SPON1: variants seen among roughly 807,000 people sequenced by gnomAD.
The protein encoded by SPON1 is spondin-1.
A neutral mutation model predicts 111.7 loss-of-function variants in SPON1; 52 were observed. That is an observed-to-expected ratio of 0.47 (90% CI 0.37 to 0.59). The LOEUF is 0.59. Ranked by LOEUF, SPON1 falls within the 20% of genes least tolerant of loss-of-function variation. The probability of loss-of-function intolerance (pLI) is 0.00; values close to 1 mark genes in which losing one functional copy is unlikely to be tolerated. For synonymous variants in SPON1, 410 were observed against 395.8 expected, an observed-to-expected ratio of 1.04 and a Z score of -0.43; for missense variants, 957 against 1,068.5, an observed-to-expected ratio of 0.90 and a Z score of 1.46.
chr11:14,191,953 G>A (rs1342652750), intron 6 of SPON1, among the ~76,000 whole-genome samples: 2 of 152,102 alleles, frequency 1.3e-5, no homozygotes, highest in African/African-American at 4.8e-5. Flanking sequence ...AGCCATGTTT[G>A]TATAATTGAG....
chr11:14,103,352 A>G (rs1385827244), intron 5 of SPON1, among the ~76,000 whole-genome samples: 1 of 152,168 alleles, frequency 6.6e-6, no homozygotes, highest in Non-Finnish European at 1.5e-5. Context: ...GTCTCTCCTG[A>G]GAGGGCTTTA....
intron 3 of SPON1, among the ~76,000 whole-genome samples, chr11:14,054,703 G>A (rs1223564873): frequency 6.6e-6 from 1 of 152,126 alleles, no homozygotes; most frequent in African/African-American, 2.4e-5. Flanking sequence ...GAATGATGGG[G>A]GTGACTAGGC....
intron 1 of SPON1, among the ~76,000 whole-genome samples, chr11:13,970,247 G>C (rs1848052423): frequency 6.6e-6 from 1 of 152,188 alleles, no homozygotes; most frequent in Non-Finnish European, 1.5e-5. Context: ...AGGGCAAGGA[G>C]TTAAGTGAGA....
chr11:14,057,201 C>T (rs1005654527), intron 3 of SPON1, among the ~76,000 whole-genome samples: 10 of 152,132 alleles, frequency 6.6e-5, no homozygotes, highest in Non-Finnish European at 1.2e-4. Context: ...AGAAATCTGG[C>T]AGCCACCTGT....
intron 6 of SPON1, among the ~76,000 whole-genome samples, chr11:14,189,698 T>TC (rs1269492154): frequency 3.9e-5 from 6 of 152,190 alleles, no homozygotes; most frequent in Non-Finnish European, 5.9e-5. Flanking sequence ...CAAAATTTGT[T>TC]CATCTACATA....
intron 2 of SPON1, among the ~76,000 whole-genome samples, chr11:14,036,500 T>G (rs1399779178): frequency 3.3e-5 from 5 of 152,178 alleles, no homozygotes; most frequent in Non-Finnish European, 5.9e-5. Context: ...GAAAGACGGT[T>G]AATGGTTAGG....
chr11:14,211,922 A>G (rs1848580815), intron 6 of SPON1, among the ~76,000 whole-genome samples: 1 of 151,408 alleles, frequency 6.6e-6, no homozygotes, highest in South Asian at 2.1e-4. Flanking sequence ...TAGCTATATT[A>G]TTTTCAGGGG....
At chr11:14,036,480 C>G (rs1848595062) in intron 2 of SPON1, among the ~76,000 whole-genome samples, 1 of 152,020 alleles carries the variant, frequency 6.6e-6, no homozygotes, top group Non-Finnish European at 1.5e-5. Context: ...GGAGTAGGAC[C>G]AGGTTAGAGG....
At chr11:14,163,156 TTAAC>T (rs1847987227) in intron 6 of SPON1, among the ~76,000 whole-genome samples, 1 of 152,202 alleles carries the variant, frequency 6.6e-6, no homozygotes, top group African/African-American at 2.4e-5. Flanking sequence ...TTTTTGTGTG[TTAAC>T]AAATACCAGA....
chr11:14,066,379 C>T (rs1342997645), intron 3 of SPON1, among the ~76,000 whole-genome samples: 1 of 151,572 alleles, frequency 6.6e-6, no homozygotes, highest in African/African-American at 2.4e-5. Flanking sequence ...CATTAAGGGT[C>T]AAAAGACGCT....
intron 2 of SPON1, among the ~76,000 whole-genome samples, chr11:14,025,568 G>T (rs1848511543): frequency 6.6e-6 from 1 of 152,192 alleles, no homozygotes; most frequent in Non-Finnish European, 1.5e-5. Flanking sequence ...CTGGGGTGGG[G>T]CTAGGCATCA....
intron 10 of SPON1, 111 bp downstream of exon 10, chr11:14,256,803 A>G: frequency 1.3e-6 from 1 of 799,538 alleles, no homozygotes; most frequent in South Asian, 1.7e-5. Context: ...TGACTTGGTA[A>G]TCATATCTCT....
At chr11:14,060,708 C>T (rs988012902) in intron 3 of SPON1, among the ~76,000 whole-genome samples, 7 of 152,110 alleles carry the variant, frequency 4.6e-5, no homozygotes, top group Non-Finnish European at 1.0e-4. Flanking sequence ...GGCTGCAAAC[C>T]CTGGAACTAA....
chr11:14,189,934 G>T (rs1554934395), intron 6 of SPON1, among the ~76,000 whole-genome samples: 1 of 152,146 alleles, frequency 6.6e-6, no homozygotes, highest in African/African-American at 2.4e-5. Flanking sequence ...AAAGTCATGT[G>T]GTGCTACCTG....
chr11:14,159,551 G>C (rs1314782222), intron 6 of SPON1, among the ~76,000 whole-genome samples: 1 of 152,008 alleles, frequency 6.6e-6, no homozygotes, highest in African/African-American at 2.4e-5. Flanking sequence ...CCAAAAGAAA[G>C]GAAATCAGTA....
At chr11:14,261,323 G>T (rs1302528754) in intron 14 of SPON1, among the ~76,000 whole-genome samples, 1 of 152,160 alleles carries the variant, frequency 6.6e-6, no homozygotes, top group African/African-American at 2.4e-5. Context: ...AGTTTCCTTG[G>T]CTGGTCTTCC....
intron 2 of SPON1, among the ~76,000 whole-genome samples, chr11:14,012,047 G>T (rs1223177078): frequency 2.6e-5 from 4 of 152,166 alleles, no homozygotes; most frequent in African/African-American, 9.7e-5. Flanking sequence ...GGTAAACAGT[G>T]GATGGGTGGG....
chr11:13,964,713 G>A (rs1180794859), intron 1 of SPON1, among the ~76,000 whole-genome samples: 1 of 152,174 alleles, frequency 6.6e-6, no homozygotes, highest in Non-Finnish European at 1.5e-5. Context: ...GCTTGGCACC[G>A]CGGCTAGAGC....
Position 13,982,833 on chromosome 11 carries a change from TTC to T in SPON1, c.239-6_239-5del, listed in dbSNP as rs1554909843. On this transcript the variant is annotated splice_polypyrimidine_tract_variant and intron_variant, in intron 1 of 15. Transcript: ENST00000576479. ...ATTCTTATACTTAAAACCTGCTTTT[TTC>T]TCTCTCTGCAGTAACACTTTCAGCT... The T allele has an allele frequency of 5.2e-6, 8 of 1,526,036 alleles. No homozygotes were observed. Among genetic ancestry groups the T allele is most frequent in the Non-Finnish European group, 7.1e-6 (8 of 1,123,010 alleles). 94.5% of individuals were successfully genotyped at this position (1,526,036 alleles called of 1,614,324 possible). A position where few individuals can be genotyped will look rare whatever the true frequency, so the allele number is the denominator to read the frequency against.
Sources: allele counts gnomAD v4.1 joint callset (sites outside exome capture counted in the v4.1 genomes callset), GRCh38; gene constraint gnomAD v4.1.1; transcripts MANE v1.5; gene names NCBI Gene and HGNC (gene_info 2026-07-23, HGNC 2026-07-21).